Variants in MCM10 observed in about 807,000 individuals in gnomAD.
The protein encoded by MCM10 is minichromosome maintenance 10 replication initiation factor, also known as protein MCM10 homolog.
A neutral mutation model predicts 109.9 loss-of-function variants in MCM10; 91 were observed. The observed-to-expected ratio is 0.83, with a 90% confidence interval of 0.70 to 0.99. The LOEUF (loss-of-function observed/expected upper bound fraction) is 0.99. MCM10 is among the 50% of genes least tolerant of loss of function. MCM10 has a pLI of 0.00. For synonymous variants in MCM10, 380 were observed against 387.2 expected, an observed-to-expected ratio of 0.98 and a Z score of 0.22; for missense variants, 1,077 against 1,061.2, an observed-to-expected ratio of 1.01 and a Z score of -0.21.
At position 13,191,504 on chromosome 10, in the gene MCM10, G is replaced by T. The variant is rs186601829; in HGVS notation, c.1516+105G>T. 1.2e-4 allele frequency: 98 copies of T among 799,284 alleles called. No individual in the cohort carries two copies. In the East Asian group the frequency reaches 2.5e-3, roughly 20 times the overall value. The allele number at this position is 799,284 out of a possible 1,614,324, so 49.5% of individuals were successfully genotyped here. On this transcript the variant is annotated intron_variant, in intron 11 of 19. Coordinates refer to ENST00000378714, the MANE Select transcript of MCM10 (RefSeq NM_018518.5). ...ACAGGGTACACTGCTCCGGTGATGG[G>T]TACACCAAAATCTCAGAAATCACCA...
In MCM10 at chr10:13,181,539, G is replaced by A. The variant is rs191208619; in HGVS notation, c.930+932G>A. On this transcript the variant is annotated intron_variant, in intron 7 of 19. Coordinates refer to ENST00000378714, the MANE Select transcript of MCM10 (RefSeq NM_018518.5). ...GGGGCCTGTTGGTGGAGGGCAGGGA[G>A]GGGGAGAGCATTAGGGAAAAGAGCT... 2.9e-3 allele frequency among the ~76,000 whole-genome samples: 434 copies of A among 152,236 alleles called. 6 individuals carry two copies. Among genetic ancestry groups the A allele is most frequent in the Admixed American group, 0.027 (408 of 15,278 alleles).
intron 13 of MCM10, among the ~76,000 whole-genome samples, chr10:13,194,056 T>C (rs11258241): frequency 0.29 from 42,557 of 149,104 alleles, 6,254 homozygotes; most frequent in East Asian, 0.41. Flanking sequence ...CTGGGGTTTG[T>C]TATTTGTTTT....
At chr10:13,205,984 G>C (rs757948927) in intron 18 of MCM10, among the ~76,000 whole-genome samples, 1 of 152,114 alleles carries the variant, frequency 6.6e-6, no homozygotes, top group Non-Finnish European at 1.5e-5. Flanking sequence ...TGTTGCCGTC[G>C]CAGGTCCATC....
At chr10:13,184,012 T>C (rs1457869340) in intron 8 of MCM10, among the ~76,000 whole-genome samples, 2 of 152,208 alleles carry the variant, frequency 1.3e-5, no homozygotes, top group South Asian at 4.2e-4. Context: ...TGTGCCACCA[T>C]GCCTAGCTAA....
chr10:13,204,619 T>C, intron 18 of MCM10: 1 of 380,738 alleles, frequency 2.6e-6, no homozygotes, highest in Non-Finnish European at 4.7e-6. Flanking sequence ...AATAAATAAG[T>C]GAAGAATCAT....
At chr10:13,206,065 C>T (rs1834576338) in intron 18 of MCM10, among the ~76,000 whole-genome samples, 1 of 152,208 alleles carries the variant, frequency 6.6e-6, no homozygotes, top group Non-Finnish European at 1.5e-5. Context: ...TTCGCACCAT[C>T]CTCTGCCATT....
In MCM10 at chr10:13,204,283, A is replaced by G. The variant is rs1834539614; in HGVS notation, c.2417A>G (p.His806Arg). ...AGTGAGCAGCATGAATACCACTGGC[A>G]TGATGGTGTGAAGAGGTTTTTCAAA... Reference protein sequence around the residue: ...CVSEQHEYHWHDGVKRFFKCP... With the variant: ...CVSEQHEYHWRDGVKRFFKCP... Residue 806 changes from histidine (H) to arginine (R), a missense_variant, in exon 18 of 20, where the codon CAT becomes CGT. His to Arg is a conservative substitution (Grantham distance 29, BLOSUM62 0). Coordinates refer to ENST00000378714, the MANE Select transcript of MCM10 (RefSeq NM_018518.5). The G allele has an allele frequency of 6.2e-7, 1 of 1,614,082 alleles. No individual in the cohort carries two copies. Among genetic ancestry groups the G allele is most frequent in the African/African-American group, 1.3e-5 (1 of 74,928 alleles).
chr10:13,195,200 T>C lies in MCM10; in HGVS notation c.1905T>C (p.Asp635=), dbSNP rs748168147. The change falls in exon 14 of 20, where the codon GAT becomes GAC. Residue 635 remains aspartate, a synonymous_variant. Transcript: ENST00000378714. ...PKLGRGVLEG[D]DVLFYDESPP... is the part of the protein sequence containing the mutation. ...TGGGGCGAGGTGTCTTGGAAGGAGA[T>C]GATGTTCTCTTTTATGATGAGTCAC... 1.9e-6 allele frequency: 3 copies of C among 1,613,260 alleles called. No individual in the cohort carries two copies. Among genetic ancestry groups the C allele is most frequent in the South Asian group, 1.1e-5 (1 of 90,912 alleles).
At chr10:13,196,922 C>G (rs1834428909) in intron 14 of MCM10, among the ~76,000 whole-genome samples, 1 of 151,986 alleles carries the variant, frequency 6.6e-6, no homozygotes, top group South Asian at 2.1e-4. Flanking sequence ...ATTTCCTTCT[C>G]TTTTTTTGTG....
rs376811474 is a variant in MCM10 at position 13,172,622 on chromosome 10, A to C, written c.455-6A>C. The C allele has an allele frequency of 8.1e-6, 13 of 1,613,442 alleles. No homozygotes were observed. The highest frequency in any genetic ancestry group is 1.7e-5 in the Admixed American group (1 of 59,844). On this transcript the variant is annotated splice_region_variant and splice_polypyrimidine_tract_variant and intron_variant, in intron 4 of 19. Coordinates refer to ENST00000378714, the MANE Select transcript of MCM10 (RefSeq NM_018518.5). This position sits in a 1 kb window ranked among gnomAD's most constrained non-coding sequence, Gnocchi z 5.2. ...TTACTCACTTATTTTACTTTTGATT[A>C]AGTAGAGAAGTCTCCCCGGCCACCT...
intron 2 of MCM10, among the ~76,000 whole-genome samples, chr10:13,165,054 C>T (rs1041316598): frequency 1.3e-5 from 2 of 152,014 alleles, no homozygotes; most frequent in African/African-American, 2.4e-5. Context: ...CACAGTGGAC[C>T]CCCGTTGTCC....
chr10:13,201,441 G>A lies in MCM10; in HGVS notation c.2259G>A (p.Glu753=). 3 of 1,612,756 alleles carry A rather than the reference G, an allele frequency of 1.9e-6. No homozygotes were observed. Residue 753 remains glutamate (E), a synonymous_variant, in exon 17 of 20, where the codon GAG becomes GAA. Transcript: ENST00000378714. ...TCCAGGCCGAGGCTGAGATGCAGGA[G>A]CGCTACTTTGAGCCACTGGTGAAAA... ...ILKEAEAEMQ[E]RYFEPLVKKE...
rs1834306641 is a variant in MCM10 at position 13,188,731 on chromosome 10, C to T, written c.1216-150C>T. 9.6e-6 allele frequency: 7 copies of T among 726,294 alleles called. 1 individual carries two copies. In the South Asian group the frequency reaches 1.1e-4, roughly 11 times the overall value. 45.0% of individuals were successfully genotyped at this position (726,294 alleles called of 1,614,324 possible). Reference sequence around the variant, plus strand: ...CTTCTTCCCCTCAGGGACTGAGCAGCCCTTCCACATTGGGAACGGTCGTGG... The same window carrying T: ...CTTCTTCCCCTCAGGGACTGAGCAGTCCTTCCACATTGGGAACGGTCGTGG... On this transcript the variant is annotated intron_variant, in intron 9 of 19. Coordinates refer to ENST00000378714, the MANE Select transcript of MCM10 (RefSeq NM_018518.5).
At chr10:13,201,159 T>A (rs1165185621) in intron 16 of MCM10, among the ~76,000 whole-genome samples, 2 of 152,034 alleles carry the variant, frequency 1.3e-5, no homozygotes, top group Non-Finnish European at 2.9e-5. Flanking sequence ...TAAAATAAAA[T>A]AAAAATAAAA....
At chr10:13,181,253 G>A (rs1452412260) in intron 7 of MCM10, among the ~76,000 whole-genome samples, 3 of 152,092 alleles carry the variant, frequency 2.0e-5, no homozygotes, top group Non-Finnish European at 4.4e-5. Flanking sequence ...ACTTTGATTA[G>A]ATTGAAAATC....
chr10:13,204,539 C>T, intron 18 of MCM10, 175 bp downstream of exon 18: 1 of 710,448 alleles, frequency 1.4e-6, no homozygotes, highest in Non-Finnish European at 2.3e-6. Flanking sequence ...AGGGACCCTG[C>T]CCTTTCACTG....
chr10:13,204,963 G>T (rs1027271877), intron 18 of MCM10, among the ~76,000 whole-genome samples: 10 of 79,494 alleles, frequency 1.3e-4, no homozygotes, highest in African/African-American at 3.6e-4. Context: ...GTTTTTTATT[G>T]TATTTTTTAT....
chr10:13,162,144 G>T (rs1291877451), intron 1 of MCM10, among the ~76,000 whole-genome samples: 1 of 152,190 alleles, frequency 6.6e-6, no homozygotes, highest in South Asian at 2.1e-4. Flanking sequence ...CTTCGACAGA[G>T]CCTGAGACCT....
Position 13,198,840 on chromosome 10 carries a change from T to C in MCM10, c.2238+33T>C, listed in dbSNP as rs920967625. The C allele has an allele frequency of 2.2e-6, 3 of 1,375,924 alleles. No individual in the cohort carries two copies. In the African/African-American group the frequency reaches 4.3e-5, roughly 20 times the overall value. The allele number at this position is 1,375,924 out of a possible 1,614,324, so 85.2% of individuals were successfully genotyped here. On this transcript the variant is annotated intron_variant, in intron 16 of 19. Coordinates refer to ENST00000378714, the MANE Select transcript of MCM10 (RefSeq NM_018518.5). ...CCCAAAAGCTCAAGGATGGTGTTGATGTCCGATGTCCTTCAAAGCCAAGGT... is the reference window on the plus strand; with the variant it reads ...CCCAAAAGCTCAAGGATGGTGTTGACGTCCGATGTCCTTCAAAGCCAAGGT...
Sources: allele counts gnomAD v4.1 joint callset (sites outside exome capture counted in the v4.1 genomes callset), GRCh38; gene constraint gnomAD v4.1.1; non-coding constraint Gnocchi (gnomAD v3.1); transcripts MANE v1.5; gene names NCBI Gene and HGNC (gene_info 2026-07-23, HGNC 2026-07-21).